The following DLG2 variants were observed in gnomAD, a reference collection of about 807,000 sequenced individuals.
The protein encoded by DLG2 is discs large MAGUK scaffold protein 2, also known as disks large homolog 2.
In DLG2, 45 loss-of-function variants were observed where a neutral mutation model predicts 132.5. The observed-to-expected ratio is 0.34, with a 90% CI of 0.27 to 0.44. The LOEUF (loss-of-function observed/expected upper bound fraction) is 0.44, where lower values mean the gene tolerates loss of function less well. DLG2 is among the 20% of genes least tolerant of loss of function. The probability of loss-of-function intolerance (pLI) is 1.00; values close to 1 mark genes in which losing one functional copy is unlikely to be tolerated. For synonymous variants in DLG2, 424 were observed against 419.6 expected (o/e 1.01, Z -0.13); for missense variants, 1,045 against 1,196.9 (o/e 0.87, Z 1.87).
intron 16 of DLG2, among the ~76,000 whole-genome samples, chr11:83,848,121 C>A (rs1815261574): frequency 7.7e-6 from 1 of 129,830 alleles, no homozygotes; most frequent in Non-Finnish European, 1.7e-5. Context: ...TAGTCCCCCA[C>A]ACCTTTTTTT....
At chr11:85,044,728 C>T (rs577358519) in intron 6 of DLG2, among the ~76,000 whole-genome samples, 1 of 152,146 alleles carries the variant, frequency 6.6e-6, no homozygotes, top group African/African-American at 2.4e-5. Flanking sequence ...TGTAACCCAT[C>T]AGAAAAGCAA....
chr11:83,538,768 C>G (rs1308775532), intron 20 of DLG2, among the ~76,000 whole-genome samples: 1 of 152,228 alleles, frequency 6.6e-6, no homozygotes, highest in Non-Finnish European at 1.5e-5. Flanking sequence ...TACAATATAG[C>G]CTGCATTGCC....
intron 16 of DLG2, among the ~76,000 whole-genome samples, chr11:83,855,944 C>T (rs565048008): frequency 6.6e-5 from 10 of 152,102 alleles, no homozygotes; most frequent in Non-Finnish European, 1.3e-4. Flanking sequence ...AGGTGTTAAG[C>T]CTAGTATCTA....
At chr11:85,479,947 C>A (rs1192755884) in intron 3 of DLG2, among the ~76,000 whole-genome samples, 1 of 152,080 alleles carries the variant, frequency 6.6e-6, no homozygotes, top group Non-Finnish European at 1.5e-5. Context: ...ACCCTAAAGA[C>A]CTCATTTTAA....
At chr11:85,575,137 C>T (rs2078075142) in intron 3 of DLG2, among the ~76,000 whole-genome samples, 1 of 151,244 alleles carries the variant, frequency 6.6e-6, no homozygotes, top group Non-Finnish European at 1.5e-5. Flanking sequence ...AATCTGGATT[C>T]CTACCTCATT....
intron 6 of DLG2, among the ~76,000 whole-genome samples, chr11:84,812,341 G>A (rs1201256661): frequency 6.6e-6 from 1 of 152,152 alleles, no homozygotes; most frequent in Non-Finnish European, 1.5e-5. Context: ...GGCACATACT[G>A]TGTGGATTGA....
chr11:85,617,172 C>T (rs1167250262), intron 2 of DLG2, among the ~76,000 whole-genome samples: 1 of 152,156 alleles, frequency 6.6e-6, no homozygotes, highest in Non-Finnish European at 1.5e-5. Context: ...TGATCCTGTC[C>T]CTTCTTTTAG....
At chr11:85,579,409 A>C (rs1409918298) in intron 3 of DLG2, among the ~76,000 whole-genome samples, 2 of 151,894 alleles carry the variant, frequency 1.3e-5, no homozygotes, top group East Asian at 3.9e-4. Context: ...AAAAAAAAAG[A>C]GAGAGACCTG....
At chr11:83,615,261 AAAT>A (rs1420781908) in intron 19 of DLG2, among the ~76,000 whole-genome samples, 2 of 152,202 alleles carry the variant, frequency 1.3e-5, no homozygotes, top group Non-Finnish European at 2.9e-5. Flanking sequence ...AGGAAATGAC[AAAT>A]AACAGGGCTA....
At chr11:84,101,835 A>C (rs1300009735) in intron 9 of DLG2, among the ~76,000 whole-genome samples, 1 of 152,128 alleles carries the variant, frequency 6.6e-6, no homozygotes, top group African/African-American at 2.4e-5. Flanking sequence ...GGAGATACCC[A>C]AATGCTTTCT....
At chr11:84,021,140 C>A (rs2154077307) in intron 11 of DLG2, among the ~76,000 whole-genome samples, 1 of 152,226 alleles carries the variant, frequency 6.6e-6, no homozygotes, top group East Asian at 1.9e-4. Context: ...TGCCCAGTAC[C>A]TATTTTCTAG....
chr11:84,099,176 T>C (rs2092159192), intron 9 of DLG2, 129 bp from the exon 10 acceptor site: 1 of 782,362 alleles, frequency 1.3e-6, no homozygotes, highest in South Asian at 1.8e-5. Flanking sequence ...TGCTAAATCA[T>C]AAAGTGCACA....
Position 83,839,206 on chromosome 11 carries a change from A to T in DLG2, c.1566-5436T>A, listed in dbSNP as rs2056982149. Among the ~76,000 whole-genome samples the T allele has an allele frequency of 2.0e-5, 3 of 152,190 alleles. No individual in the cohort carries two copies. In the South Asian group the frequency reaches 6.2e-4, roughly 31 times the overall value. ...AAACTATCAAAACAAATCTTTTAAA[A>T]TATATTATTTGGAATTTTTGAAACT... On this transcript the variant is annotated intron_variant, in intron 16 of 27. Coordinates refer to ENST00000376104, the MANE Select transcript of DLG2 (RefSeq NM_001142699.3).
intron 3 of DLG2, among the ~76,000 whole-genome samples, chr11:85,502,115 G>T (rs1315083212): frequency 1.3e-5 from 2 of 152,030 alleles, no homozygotes; most frequent in African/African-American, 2.4e-5. Flanking sequence ...AATGTCCTTT[G>T]CAGGGACATG....
chr11:84,426,800 A>T (rs1003854102), intron 7 of DLG2, among the ~76,000 whole-genome samples: 1 of 152,126 alleles, frequency 6.6e-6, no homozygotes, highest in African/African-American at 2.4e-5. Flanking sequence ...TTCAAAGGAG[A>T]AGTGATATGT....
chr11:84,351,757 G>T (rs574907766), intron 7 of DLG2, among the ~76,000 whole-genome samples: 1 of 152,274 alleles, frequency 6.6e-6, no homozygotes, highest in South Asian at 2.1e-4. Flanking sequence ...TTGGCATGAG[G>T]TGAAGACTTA....
At chr11:84,096,900 GAA>G (rs34629978) in intron 10 of DLG2, among the ~76,000 whole-genome samples, 1,542 of 147,672 alleles carry the variant, frequency 0.01, 9 homozygotes, top group African/African-American at 0.026. Context: ...ACATTTACCT[GAA>G]AAAAAAAAAA....
intron 3 of DLG2, among the ~76,000 whole-genome samples, chr11:85,423,955 A>G (rs1034022447): frequency 4.6e-5 from 7 of 152,070 alleles, no homozygotes; most frequent in Non-Finnish European, 7.4e-5. Context: ...AGGCTTCTTG[A>G]TCAGTTCAAA....
chr11:85,204,833 C>G (rs367613710), intron 4 of DLG2, among the ~76,000 whole-genome samples: 2 of 152,072 alleles, frequency 1.3e-5, no homozygotes, highest in Non-Finnish European at 2.9e-5. Context: ...TAAAAACAGA[C>G]ACACAGGCCA....
Sources: gnomAD v4.1 joint callset for allele counts (sites outside exome capture counted in the v4.1 genomes callset) on GRCh38, gnomAD v4.1.1 for gene constraint, MANE v1.5 for transcripts, NCBI Gene and HGNC (gene_info 2026-07-23, HGNC 2026-07-21) for gene names.